FTO: variants seen among roughly 807,000 people sequenced by gnomAD.
The protein encoded by FTO is alpha-ketoglutarate-dependent dioxygenase FTO.
FTO carries 47 observed loss-of-function variants against 63.9 expected under a neutral mutation model. The observed-to-expected ratio is 0.74, with a 90% CI of 0.58 to 0.94. The LOEUF (loss-of-function observed/expected upper bound fraction) is 0.94. FTO is among the 40% of genes least tolerant of loss of function. The pLI is 0.00. For missense variants in FTO, 562 were observed against 618.1 expected, an observed-to-expected ratio of 0.91 and a Z score of 0.96; for synonymous variants, 207 against 224.4, an observed-to-expected ratio of 0.92 and a Z score of 0.69.
At chr16:53,924,157 A>C (rs1274807380) in intron 7 of FTO, among the ~76,000 whole-genome samples, 2 of 152,132 alleles carry the variant, frequency 1.3e-5, no homozygotes, top group Non-Finnish European at 2.9e-5. Flanking sequence ...AATTTCTAAC[A>C]TTTATCAAGC....
chr16:53,794,079 GT>G (rs1447774699), intron 1 of FTO, among the ~76,000 whole-genome samples: 1 of 152,184 alleles, frequency 6.6e-6, no homozygotes. Context: ...AATAATGAAT[GT>G]TTGAGTATAT....
chr16:53,855,923 T>A (rs1422320482), intron 4 of FTO, among the ~76,000 whole-genome samples: 1 of 152,224 alleles, frequency 6.6e-6, no homozygotes, highest in East Asian at 1.9e-4. Context: ...ACTATGCATT[T>A]TGAAATTTTT....
intron 8 of FTO, among the ~76,000 whole-genome samples, chr16:53,957,792 ATT>A (rs1219200724): frequency 1.3e-5 from 2 of 152,252 alleles, no homozygotes; most frequent in African/African-American, 4.8e-5. Context: ...CATGGAATTT[ATT>A]TATTCATTGG....
At chr16:53,748,619 T>A (rs2076705002) in intron 1 of FTO, among the ~76,000 whole-genome samples, 1 of 151,916 alleles carries the variant, frequency 6.6e-6, no homozygotes, top group Non-Finnish European at 1.5e-5. Flanking sequence ...CATGCCTGGC[T>A]AATTTTTTGT....
chr16:53,836,768 C>T (rs1316944559), intron 3 of FTO, among the ~76,000 whole-genome samples: 1 of 152,210 alleles, frequency 6.6e-6, no homozygotes, highest in Admixed American at 6.5e-5. Flanking sequence ...TCTTCCCCTT[C>T]CTCTTTTGGC....
chr16:54,076,552 A>G (rs1216353188), intron 8 of FTO, among the ~76,000 whole-genome samples: 3 of 152,158 alleles, frequency 2.0e-5, no homozygotes, highest in Non-Finnish European at 2.9e-5. Flanking sequence ...TTTGCGTTTT[A>G]TATACACATA....
chr16:53,750,245 CT>C (rs551808108), intron 1 of FTO, among the ~76,000 whole-genome samples: 6 of 146,714 alleles, frequency 4.1e-5, no homozygotes, highest in East Asian at 3.9e-4. Flanking sequence ...CTTTTCTTTT[CT>C]TTTTTTTTTG....
chr16:53,787,065 C>T (rs1016830573), intron 1 of FTO, among the ~76,000 whole-genome samples: 34 of 124,284 alleles, frequency 2.7e-4, no homozygotes, highest in African/African-American at 5.2e-4. Flanking sequence ...GAGCCAAGGT[C>T]GCACCACTGC....
At chr16:53,822,270 C>G (rs1024704338) in intron 2 of FTO, among the ~76,000 whole-genome samples, 2 of 152,168 alleles carry the variant, frequency 1.3e-5, no homozygotes, top group Non-Finnish European at 2.9e-5. Context: ...ACTCATCTGC[C>G]TACTATTATT....
intron 4 of FTO, among the ~76,000 whole-genome samples, chr16:53,865,342 C>T (rs971005722): frequency 6.6e-6 from 1 of 152,148 alleles, no homozygotes; most frequent in African/African-American, 2.4e-5. Context: ...GAGAGAATGG[C>T]CACTTAGCCT....
chr16:53,821,985 T>G (rs1598747773), intron 2 of FTO, among the ~76,000 whole-genome samples: 1 of 151,812 alleles, frequency 6.6e-6, no homozygotes, highest in African/African-American at 2.4e-5. Context: ...TGCTGGAGGG[T>G]CTTGCAGTGA....
intron 3 of FTO, among the ~76,000 whole-genome samples, chr16:53,841,046 T>A (rs2079460921): frequency 1.1e-5 from 1 of 92,068 alleles, no homozygotes; most frequent in African/African-American, 5.2e-5. Flanking sequence ...TAACAGTATA[T>A]TATGTATGAA....
intron 1 of FTO, among the ~76,000 whole-genome samples, chr16:53,722,692 G>A (rs936828256): frequency 1.3e-5 from 2 of 152,054 alleles, no homozygotes; most frequent in Middle Eastern, 3.2e-3. Context: ...GCCGGGTGTG[G>A]TGGTGTGTGC....
intron 8 of FTO, among the ~76,000 whole-genome samples, chr16:53,969,299 C>T (rs964058859): frequency 1.3e-5 from 2 of 152,136 alleles, no homozygotes; most frequent in Admixed American, 6.5e-5. Flanking sequence ...TCTGAAATAA[C>T]TCTCTTGCCT....
At chr16:53,830,470 C>T (rs1171778290) in intron 3 of FTO, among the ~76,000 whole-genome samples, 1 of 152,182 alleles carries the variant, frequency 6.6e-6, no homozygotes, top group Non-Finnish European at 1.5e-5. Context: ...CTATTGGCTA[C>T]CATTTTTGTT....
chr16:53,779,133 G>T (rs2077529073), intron 1 of FTO, among the ~76,000 whole-genome samples: 1 of 152,080 alleles, frequency 6.6e-6, no homozygotes, highest in Admixed American at 6.6e-5. Flanking sequence ...TCTGCTTCCT[G>T]ACTGGCTGTC....
At chr16:54,093,192 G>A (rs1313077537) in intron 8 of FTO, among the ~76,000 whole-genome samples, 1 of 152,178 alleles carries the variant, frequency 6.6e-6, no homozygotes, top group African/African-American at 2.4e-5. Flanking sequence ...GAACTTACTG[G>A]CGGATGCCTT....
intron 8 of FTO, among the ~76,000 whole-genome samples, chr16:54,003,286 A>G (rs1314613750): frequency 6.6e-6 from 1 of 152,250 alleles, no homozygotes; most frequent in Non-Finnish European, 1.5e-5. Context: ...ATGAGCCCCT[A>G]ATGGGATCAT....
chr16:53,980,681 G>A, intron 8 of FTO, among the ~76,000 whole-genome samples: 1 of 152,294 alleles, frequency 6.6e-6, no homozygotes, highest in East Asian at 1.9e-4. Context: ...GCAGCCACTG[G>A]GAGTATGATC....
Sources: allele counts gnomAD v4.1 joint callset (sites outside exome capture counted in the v4.1 genomes callset), GRCh38; gene constraint gnomAD v4.1.1; transcripts MANE v1.5; gene names NCBI Gene and HGNC (gene_info 2026-07-23, HGNC 2026-07-21).